AK9: variants seen among roughly 807,000 people sequenced by gnomAD.
AK9 encodes the protein adenylate kinase 9.
A neutral mutation model predicts 239.6 loss-of-function variants in AK9; 191 were observed. The ratio of observed to expected loss-of-function variants is 0.80; its 90% CI spans 0.71 to 0.90. AK9 has a LOEUF of 0.90. AK9 is among the 40% of genes least tolerant of loss of function. AK9 has a pLI of 0.00. For missense variants in AK9, 1,995 were observed against 2,214.7 expected, an observed-to-expected ratio of 0.90 and a Z score of 1.99; for synonymous variants, 689 against 721.0, an observed-to-expected ratio of 0.96 and a Z score of 0.71.
chr6:109,612,101 T>A lies in AK9; in HGVS notation c.1610-8A>T. ...CACCAGTTTCTTTTCCATCTGTGAA[T>A]AAAACATTGTGAATGCCTAAAGAAC... On this transcript the variant is annotated splice_polypyrimidine_tract_variant and splice_region_variant and intron_variant, in intron 15 of 40. Coordinates refer to ENST00000424296, the MANE Select transcript of AK9 (RefSeq NM_001145128.3). The A allele has an allele frequency of 6.6e-7, 1 of 1,509,008 alleles. No individual in the cohort carries two copies. The allele number at this position is 1,509,008 out of a possible 1,614,324, so 93.5% of individuals were successfully genotyped here.
rs538556511 is a variant in AK9 at position 109,658,640 on chromosome 6, G to T, written c.630+588C>A. Among the ~76,000 whole-genome samples, 85 of 152,120 alleles carry T rather than the reference G, an allele frequency of 5.6e-4. 1 individual carries two copies. Among genetic ancestry groups the T allele is most frequent in the African/African-American group, 1.6e-3 (65 of 41,518 alleles). On this transcript the variant is annotated intron_variant, in intron 7 of 40. Transcript: ENST00000424296. ...CATTCTCAGAATGTTTATGTTGATTGTAAGTTGAAATAAAATTTTTTGATA... is the reference window on the plus strand; with the variant it reads ...CATTCTCAGAATGTTTATGTTGATTTTAAGTTGAAATAAAATTTTTTGATA...
intron 17 of AK9, among the ~76,000 whole-genome samples, chr6:109,603,772 C>T (rs1792432053): frequency 6.6e-6 from 1 of 152,204 alleles, no homozygotes; most frequent in African/African-American, 2.4e-5. Context: ...TCAGCGATGG[C>T]AGGCGCCCCT....
chr6:109,645,206 T>C lies in AK9; in HGVS notation c.760-518A>G, dbSNP rs139085949. Among the ~76,000 whole-genome samples the C allele has an allele frequency of 4.3e-3, 648 of 152,218 alleles. 9 individuals are homozygous for C. Among genetic ancestry groups the C allele is most frequent in the African/African-American group, 0.015 (606 of 41,536 alleles). On this transcript the variant is annotated intron_variant, in intron 8 of 40. Transcript: ENST00000424296. ...ACTTGGTTCATCTCAATGGGACTGG[T>C]TGGACAGTGGGTGCAGCCCATGGAG...
rs761117338 is a variant in AK9 at position 109,497,362 on chromosome 6, A to ACT, written c.5315+101_5315+102dup. 1.6e-3 allele frequency: 794 copies of ACT among 499,378 alleles called. 4 individuals are homozygous for ACT. Among genetic ancestry groups the ACT allele is most frequent in the Admixed American group, 3.0e-3 (88 of 28,860 alleles). 30.9% of individuals were successfully genotyped at this position (499,378 alleles called of 1,614,324 possible). On this transcript the variant is annotated intron_variant, in intron 38 of 40. Coordinates refer to ENST00000424296, the MANE Select transcript of AK9 (RefSeq NM_001145128.3). ...CACACACACACACACACACACACAC[A>ACT]CTCTCTCTCTCTCTCTCTCTCTCAC...
At chr6:109,531,041 CAAAAGAAAAG>C (rs528231327) in intron 28 of AK9, among the ~76,000 whole-genome samples, 2 of 144,306 alleles carry the variant, frequency 1.4e-5, no homozygotes, top group African/African-American at 2.5e-5. Context: ...GACTCCGTCT[CAAAAGAAAAG>C]AAAAGAAAAG....
At chr6:109,562,464 C>G (rs549378195) in intron 24 of AK9, among the ~76,000 whole-genome samples, 1 of 152,310 alleles carries the variant, frequency 6.6e-6, no homozygotes, top group South Asian at 2.1e-4. Flanking sequence ...AGTTCTGAAT[C>G]CATTTCAGTT....
At chr6:109,563,978 AACATTT>A in intron 23 of AK9, 96 bp downstream of exon 23, 1 of 1,219,104 alleles carries the variant, frequency 8.2e-7, no homozygotes, top group East Asian at 2.5e-5. Context: ...GGATATACTG[AACATTT>A]ACTTCATAAA....
chr6:109,566,076 A>G (rs1786465347), intron 21 of AK9, among the ~76,000 whole-genome samples: 1 of 152,134 alleles, frequency 6.6e-6, no homozygotes, highest in South Asian at 2.1e-4. Context: ...AGACTGCAAT[A>G]GTTGGGGGTG....
intron 19 of AK9, among the ~76,000 whole-genome samples, chr6:109,584,564 T>A (rs1789250921): frequency 6.6e-6 from 1 of 152,110 alleles, no homozygotes; most frequent in African/African-American, 2.4e-5. Context: ...TATAGTTTAT[T>A]AAAGTTTAGT....
chr6:109,538,716 T>C lies in AK9; in HGVS notation c.3350+3331A>G, dbSNP rs547902276. Among the ~76,000 whole-genome samples, 1,190 of 151,808 alleles carry C rather than the reference T, an allele frequency of 7.8e-3. 24 individuals are homozygous for C. Among genetic ancestry groups the C allele is most frequent in the African/African-American group, 0.027 (1,128 of 41,074 alleles). ...TTCCTAGCATCAATGATCTTTACAA[T>C]TTGGCATGTTTTGCAGTGGCTGGTA... On this transcript the variant is annotated intron_variant, in intron 27 of 40. Coordinates refer to ENST00000424296, the MANE Select transcript of AK9 (RefSeq NM_001145128.3).
intron 5 of AK9, among the ~76,000 whole-genome samples, chr6:109,669,406 C>A (rs919719760): frequency 1.3e-5 from 2 of 151,952 alleles, no homozygotes; most frequent in African/African-American, 2.4e-5. Context: ...ACTGCCCTGG[C>A]CAGAACTTCC....
chr6:109,670,577 A>T lies in AK9; in HGVS notation c.331+1342T>A, dbSNP rs367876295. ...CATTATGAACACCATGAGAGGCACAACTGAGTTTCTTCGTGTTGTTTTTTT... is the reference window on the plus strand; with the variant it reads ...CATTATGAACACCATGAGAGGCACATCTGAGTTTCTTCGTGTTGTTTTTTT... On this transcript the variant is annotated intron_variant, in intron 5 of 40. Transcript: ENST00000424296. Among the ~76,000 whole-genome samples, 7 of 152,290 alleles carry T rather than the reference A, an allele frequency of 4.6e-5. No individual in the cohort carries two copies. The East Asian group carries it at 1.4e-3, about 29-fold the overall frequency.
At chr6:109,553,701 C>G (rs768733287) in intron 24 of AK9, among the ~76,000 whole-genome samples, 6 of 152,138 alleles carry the variant, frequency 3.9e-5, no homozygotes, top group Non-Finnish European at 8.8e-5. Flanking sequence ...ATTTCTTTAT[C>G]TTGCCTGATT....
At chr6:109,629,795 G>A (rs1312888224) in intron 12 of AK9, among the ~76,000 whole-genome samples, 1 of 152,036 alleles carries the variant, frequency 6.6e-6, no homozygotes, top group Admixed American at 6.5e-5. Context: ...ACCGTGCCCG[G>A]CTAATTTTTT....
At chr6:109,570,581 A>T (rs546398692) in intron 21 of AK9, among the ~76,000 whole-genome samples, 22 of 152,232 alleles carry the variant, frequency 1.4e-4, no homozygotes, top group South Asian at 8.3e-4. Flanking sequence ...AAATAAAAAA[A>T]TTTTTTAATG....
chr6:109,644,416 A>G, intron 9 of AK9, 198 bp downstream of exon 9: 2 of 438,368 alleles, frequency 4.6e-6, no homozygotes, highest in Non-Finnish European at 7.8e-6. Context: ...AAGAGATTTT[A>G]AATTCGAATG....
chr6:109,497,360 A>ACTCTCTCT lies in AK9; in HGVS notation c.5315+104_5315+105insAGAGAGAG, dbSNP rs1199537013. ...CACACACACACACACACACACACAC[A>ACTCTCTCT]CACTCTCTCTCTCTCTCTCTCTCTC... On this transcript the variant is annotated intron_variant, in intron 38 of 40. Coordinates refer to ENST00000424296, the MANE Select transcript of AK9 (RefSeq NM_001145128.3). 2.0e-3 allele frequency: 1,120 copies of ACTCTCTCT among 556,800 alleles called. 4 individuals are homozygous for ACTCTCTCT. The highest frequency in any genetic ancestry group is 2.0e-3 in the Non-Finnish European group (648 of 321,726). The allele number at this position is 556,800 out of a possible 1,614,324, so 34.5% of individuals were successfully genotyped here.
At chr6:109,665,195 T>C (rs888946671) in intron 5 of AK9, among the ~76,000 whole-genome samples, 2 of 152,226 alleles carry the variant, frequency 1.3e-5, no homozygotes, top group Non-Finnish European at 2.9e-5. Flanking sequence ...TCCTACCTAA[T>C]TTAACTTAAA....
intron 35 of AK9, among the ~76,000 whole-genome samples, chr6:109,503,866 G>A (rs1049590186): frequency 6.6e-6 from 1 of 152,170 alleles, no homozygotes; most frequent in African/African-American, 2.4e-5. Flanking sequence ...TGATGCGAGG[G>A]TGGAGAGGAT....
Sources: allele counts gnomAD v4.1 joint callset (sites outside exome capture counted in the v4.1 genomes callset), GRCh38; gene constraint gnomAD v4.1.1; transcripts MANE v1.5; gene names NCBI Gene and HGNC (gene_info 2026-07-23, HGNC 2026-07-21).